The following ITPR2 variants were observed in gnomAD, a reference collection of about 807,000 sequenced individuals.
ITPR2 encodes the protein inositol 1,4,5-trisphosphate receptor type 2.
In ITPR2, 207 loss-of-function variants were observed where a neutral mutation model predicts 317.1. The observed-to-expected ratio is 0.65, with a 90% CI of 0.58 to 0.73. The LOEUF (loss-of-function observed/expected upper bound fraction) is 0.73, where lower values mean the gene tolerates loss of function less well. ITPR2 is among the 30% of genes least tolerant of loss of function. ITPR2 has a pLI of 0.00. For missense variants in ITPR2, 2,613 were observed against 3,284.0 expected (o/e 0.80, Z 4.99); for synonymous variants, 1,156 against 1,149.1 (o/e 1.01, Z -0.12).
At chr12:26,820,509 G>A (rs533718059) in intron 1 of ITPR2, among the ~76,000 whole-genome samples, 1 of 152,252 alleles carries the variant, frequency 6.6e-6, no homozygotes, top group African/African-American at 2.4e-5. Context: ...TATATTGTAT[G>A]TAATAAGATT....
rs372665386 is a variant in ITPR2 at position 26,831,917 on chromosome 12, G to GTATA, written c.92+769_92+772dup. On this transcript the variant is annotated intron_variant, in intron 1 of 56. Transcript: ENST00000381340. This position sits in a 1 kb window ranked among gnomAD's most constrained non-coding sequence, Gnocchi z 4.9. ...TTCATAAACATATATACATATATGT[G>GTATA]TATATATATATATATTTTTCCCCCC... Among the ~76,000 whole-genome samples the GTATA allele has an allele frequency of 2.8e-5, 4 of 143,728 alleles. No individual in the cohort carries two copies. The highest frequency in any genetic ancestry group is 7.1e-5 in the Admixed American group (1 of 14,084). 94.3% of individuals were successfully genotyped at this position (143,728 alleles called of 152,430 possible). A position where few individuals can be genotyped will look rare whatever the true frequency, so the allele number is the denominator to read the frequency against.
intron 23 of ITPR2, among the ~76,000 whole-genome samples, chr12:26,627,011 C>G (rs1946636252): frequency 6.6e-6 from 1 of 152,026 alleles, no homozygotes. Context: ...TCAATAGTCA[C>G]AAAATTTTTA....
rs145035529 is a variant in ITPR2 at position 26,760,488 on chromosome 12, A to AATCAGGTTGACTCTATTAT, written c.163+29668_163+29669insATAATAGAGTCAACCTGAT. 3.9e-5 allele frequency among the ~76,000 whole-genome samples: 6 copies of AATCAGGTTGACTCTATTAT among 152,028 alleles called. No homozygotes were observed. In the South Asian group the frequency reaches 1.2e-3, roughly 31 times the overall value. On this transcript the variant is annotated intron_variant, in intron 2 of 56. Transcript: ENST00000381340. ...GTGGCAGTGCCATGGTCTAAGTACA[A>AATCAGGTTGACTCTATTAT]ACCCCAAGGCAGGAAAGAGAAGTTT...
In ITPR2 at chr12:26,540,371, T is replaced by A. The variant is rs79666297; in HGVS notation, c.5073+9876A>T. On this transcript the variant is annotated intron_variant, in intron 37 of 56. Transcript: ENST00000381340. The stretch of plus-strand genomic sequence containing the variant: ...AAAAGGTTTTAGGTTTAGATTTAGG[T>A]GGAAATGATGAACATGATAACTTAA... Among the ~76,000 whole-genome samples the A allele has an allele frequency of 3.9e-5, 6 of 152,350 alleles. No individual in the cohort carries two copies. In the East Asian group the frequency reaches 1.2e-3, roughly 29 times the overall value.
At chr12:26,477,675 T>C (rs1303873870) in intron 43 of ITPR2, among the ~76,000 whole-genome samples, 4 of 152,164 alleles carry the variant, frequency 2.6e-5, no homozygotes, top group South Asian at 2.1e-4. Context: ...TGAAGTGTTC[T>C]AATTTGTTTT....
intron 2 of ITPR2, among the ~76,000 whole-genome samples, chr12:26,772,431 AATACATGTAT>A (rs1949864759): frequency 7.9e-6 from 1 of 126,936 alleles, no homozygotes; most frequent in Non-Finnish European, 1.7e-5. Flanking sequence ...TATTATATAT[AATACATGTAT>A]TATATATATT....
rs955159599 is a variant in ITPR2 at position 26,387,345 on chromosome 12, C to A, written c.7857+89G>T. On this transcript the variant is annotated intron_variant, in intron 55 of 56. Coordinates refer to ENST00000381340, the MANE Select transcript of ITPR2 (RefSeq NM_002223.4). ...GTTAACAAAAAATGATTGCTACAAT[C>A]TTCATATTTTGGGAGGATGGTAGGG... 9.0e-6 allele frequency: 11 copies of A among 1,224,534 alleles called. No individual in the cohort carries two copies. The Admixed American group carries it at 2.3e-4, about 25-fold the overall frequency. 75.9% of individuals were successfully genotyped at this position (1,224,534 alleles called of 1,614,324 possible). A position where few individuals can be genotyped will look rare whatever the true frequency, so the allele number is the denominator to read the frequency against.
At chr12:26,531,682 CAA>C (rs58901891) in intron 37 of ITPR2, among the ~76,000 whole-genome samples, 7,479 of 148,464 alleles carry the variant, frequency 0.05, 241 homozygotes, top group African/African-American at 0.095. Context: ...CACACACACA[CAA>C]GTGTGTATCT....
chr12:26,452,725 C>A (rs1304080606), intron 45 of ITPR2, among the ~76,000 whole-genome samples: 2 of 152,288 alleles, frequency 1.3e-5, no homozygotes, highest in Middle Eastern at 3.4e-3. Context: ...TCGGGCTTTG[C>A]CATGGTAGCA....
chr12:26,386,470 T>G (rs2136627191), intron 55 of ITPR2, among the ~76,000 whole-genome samples: 1 of 152,356 alleles, frequency 6.6e-6, no homozygotes. Flanking sequence ...ATTAATATGT[T>G]ATCCTCCAAA....
intron 1 of ITPR2, among the ~76,000 whole-genome samples, chr12:26,809,685 T>G (rs1950700578): frequency 6.6e-6 from 1 of 152,078 alleles, no homozygotes; most frequent in Non-Finnish European, 1.5e-5. Flanking sequence ...TGGCGGGGGT[T>G]GGGGGAGTAG....
chr12:26,562,309 T>C (rs983835909), intron 34 of ITPR2, among the ~76,000 whole-genome samples: 1 of 152,218 alleles, frequency 6.6e-6, no homozygotes, highest in African/African-American at 2.4e-5. Context: ...GATATAATTC[T>C]TCCACTCCAT....
intron 50 of ITPR2, among the ~76,000 whole-genome samples, chr12:26,418,563 GA>G (rs1940794789): frequency 6.6e-6 from 1 of 151,986 alleles, no homozygotes; most frequent in Non-Finnish European, 1.5e-5. Flanking sequence ...AAAACTATAA[GA>G]CTGTTCTTAA....
chr12:26,623,373 G>A (rs1469875748), intron 24 of ITPR2: 1 of 152,208 alleles, frequency 6.6e-6, no homozygotes, highest in Non-Finnish European at 1.5e-5. Flanking sequence ...GTCATCAGGT[G>A]ACTGCTGCAG....
In ITPR2 at chr12:26,658,112, T is replaced by C. The variant is rs12313993; in HGVS notation, c.1905A>G (p.Ser635=). The C allele has an allele frequency of 0.17, 273,109 of 1,562,392 alleles. 26,848 individuals carry two copies. Among genetic ancestry groups the C allele is most frequent in the African/African-American group, 0.37 (26,921 of 73,062 alleles). Reference sequence around the variant, plus strand: ...CAGTGGTATTAGACACACACAGATCTGACAAATAATCCAAAAACCTGGCAA... The same window carrying C: ...CAGTGGTATTAGACACACACAGATCCGACAAATAATCCAAAAACCTGGCAA... The part of the protein sequence containing the change: ...NREPRFLDYL[S]DLCVSNTTAI... Residue 635 remains serine, a synonymous_variant, in exon 17 of 57, where the codon TCA becomes TCG. Coordinates refer to ENST00000381340, the MANE Select transcript of ITPR2 (RefSeq NM_002223.4).
At chr12:26,578,275 C>T (rs530521782) in intron 34 of ITPR2, among the ~76,000 whole-genome samples, 4 of 152,178 alleles carry the variant, frequency 2.6e-5, no homozygotes, top group African/African-American at 9.6e-5. Context: ...CTGTAATTCC[C>T]TTGCCTTCAA....
intron 32 of ITPR2, among the ~76,000 whole-genome samples, chr12:26,580,681 T>C (rs1294069516): frequency 2.0e-5 from 3 of 152,178 alleles, no homozygotes; most frequent in Non-Finnish European, 2.9e-5. Context: ...AATTTTGATG[T>C]TATCATCCAT....
intron 55 of ITPR2, chr12:26,373,465 C>A (rs191457223): frequency 1.1e-4 from 17 of 152,322 alleles, no homozygotes; most frequent in Admixed American, 9.1e-4. Flanking sequence ...AAATAAACCA[C>A]CTCTGAATTT....
chr12:26,569,419 C>T (rs1200541745), intron 34 of ITPR2, among the ~76,000 whole-genome samples: 1 of 151,486 alleles, frequency 6.6e-6, no homozygotes, highest in Non-Finnish European at 1.5e-5. Context: ...CCGGGTGTGG[C>T]AGCACGTGCC....
Sources: allele counts gnomAD v4.1 joint callset (sites outside exome capture counted in the v4.1 genomes callset), GRCh38; gene constraint gnomAD v4.1.1; non-coding constraint Gnocchi (gnomAD v3.1); transcripts MANE v1.5; gene names NCBI Gene and HGNC (gene_info 2026-07-23, HGNC 2026-07-21).